TENM3: variants seen among roughly 807,000 people sequenced by gnomAD.
TENM3 encodes the protein teneurin transmembrane protein 3.
Under a neutral mutation model 255.1 loss-of-function variants are expected in TENM3, and 63 were observed. That is an observed-to-expected ratio of 0.25 (90% CI 0.20 to 0.30). The LOEUF (loss-of-function observed/expected upper bound fraction) is 0.30, where lower values mean the gene tolerates loss of function less well. TENM3 is among the 10% of genes least tolerant of loss of function. The probability of loss-of-function intolerance (pLI) is 1.00; values close to 1 mark genes in which losing one functional copy is unlikely to be tolerated. For synonymous variants in TENM3, 1,306 were observed against 1,322.3 expected (o/e 0.99, Z 0.27); for missense variants, 2,929 against 3,461.1 (o/e 0.85, Z 3.86).
At chr4:181,993,627 C>T in the TENM3 span, among the ~76,000 whole-genome samples, 4 of 152,048 alleles carry the variant, frequency 2.6e-5, no homozygotes, top group Admixed American at 6.6e-5. Context: ...GCATTTAAGC[C>T]GGGAGGCATA....
At chr4:182,394,635 A>G (rs1183692173) in intron 3 of TENM3, among the ~76,000 whole-genome samples, 4 of 152,194 alleles carry the variant, frequency 2.6e-5, no homozygotes, top group Non-Finnish European at 2.9e-5. Flanking sequence ...TTCCATAGAC[A>G]CTGATTATTT....
the TENM3 span, among the ~76,000 whole-genome samples, chr4:181,771,630 G>T: frequency 6.6e-6 from 1 of 152,284 alleles, no homozygotes; most frequent in East Asian, 1.9e-4. Flanking sequence ...GAACCAACTC[G>T]TCTCTGTTCC....
chr4:182,521,921 CAG>C (rs1316542548), intron 3 of TENM3, among the ~76,000 whole-genome samples: 1 of 152,074 alleles, frequency 6.6e-6, no homozygotes, highest in Admixed American at 6.6e-5. Flanking sequence ...CTAGATCAAA[CAG>C]AAAATAGTCT....
At chr4:181,663,771 GACTT>G in the TENM3 span, among the ~76,000 whole-genome samples, 2 of 152,248 alleles carry the variant, frequency 1.3e-5, no homozygotes, top group East Asian at 3.9e-4. Flanking sequence ...TGATTCCCAT[GACTT>G]ACTTCTTCCT....
intron 3 of TENM3, among the ~76,000 whole-genome samples, chr4:182,504,891 G>C (rs1340722289): frequency 6.6e-6 from 1 of 152,118 alleles, no homozygotes; most frequent in Non-Finnish European, 1.5e-5. Flanking sequence ...CCCCAGCCCA[G>C]GTCATAATAC....
chr4:182,122,825 G>T, the TENM3 span, among the ~76,000 whole-genome samples: 4 of 152,288 alleles, frequency 2.6e-5, no homozygotes, highest in South Asian at 4.1e-4. Context: ...AGCTATGAAA[G>T]TCTGAGGTGG....
chr4:182,146,394 C>G (rs1338659961), intron 1 of TENM3, among the ~76,000 whole-genome samples: 2 of 152,102 alleles, frequency 1.3e-5, no homozygotes, highest in Non-Finnish European at 2.9e-5. Flanking sequence ...GCTAATCCCA[C>G]TTTAAAATGT....
At chr4:181,539,576 C>T in the TENM3 span, among the ~76,000 whole-genome samples, 1 of 152,124 alleles carries the variant, frequency 6.6e-6, no homozygotes, top group Admixed American at 6.5e-5. Context: ...TTTTTGTTGT[C>T]ATTATTCATT....
At chr4:181,473,627 A>C in the TENM3 span, among the ~76,000 whole-genome samples, 2 of 152,020 alleles carry the variant, frequency 1.3e-5, no homozygotes, top group Admixed American at 1.3e-4. Context: ...ATGAAAAAAA[A>C]AATCGTTCTT....
At chr4:182,558,571 T>C (rs1742808111) in intron 3 of TENM3, among the ~76,000 whole-genome samples, 1 of 152,188 alleles carries the variant, frequency 6.6e-6, no homozygotes, top group South Asian at 2.1e-4. Flanking sequence ...AGATTGGGGA[T>C]ATAAATGCAT....
At chr4:182,773,754 CCT>C in intron 23 of TENM3, 107 bp downstream of exon 23, 1 of 947,980 alleles carries the variant, frequency 1.1e-6, no homozygotes, top group Non-Finnish European at 1.6e-6. Context: ...AAAATGTAAA[CCT>C]CTAGAAATAT....
the TENM3 span, among the ~76,000 whole-genome samples, chr4:181,665,852 C>T: frequency 2.6e-5 from 4 of 151,604 alleles, no homozygotes; most frequent in African/African-American, 4.8e-5. Context: ...TATTAAATTT[C>T]GTATATATCT....
At chr4:181,989,663 A>G in the TENM3 span, among the ~76,000 whole-genome samples, 1 of 152,164 alleles carries the variant, frequency 6.6e-6, no homozygotes, top group Non-Finnish European at 1.5e-5. Flanking sequence ...ACATAAAATG[A>G]AAGGGCTACA....
At chr4:181,572,920 C>A in the TENM3 span, among the ~76,000 whole-genome samples, 1 of 152,148 alleles carries the variant, frequency 6.6e-6, no homozygotes, top group African/African-American at 2.4e-5. Flanking sequence ...TGGTAACCAT[C>A]CTTCTACTCT....
chr4:182,737,131 C>T, intron 17 of TENM3, 56 bp downstream of exon 17: 2 of 1,544,952 alleles, frequency 1.3e-6, no homozygotes, highest in South Asian at 1.2e-5. Flanking sequence ...CCAGAACTAT[C>T]ATAAATTAAT....
chr4:182,419,357 A>G (rs1285726375), intron 3 of TENM3, among the ~76,000 whole-genome samples: 1 of 152,186 alleles, frequency 6.6e-6, no homozygotes, highest in East Asian at 1.9e-4. Flanking sequence ...AATCATTAAA[A>G]AGTCAGGAAA....
intron 3 of TENM3, among the ~76,000 whole-genome samples, chr4:182,390,435 T>G (rs1768344869): frequency 6.6e-6 from 1 of 152,200 alleles, no homozygotes. Context: ...AGGACTCCTC[T>G]GAGAGCTCTT....
chr4:181,946,727 T>G, the TENM3 span, among the ~76,000 whole-genome samples: 2 of 152,064 alleles, frequency 1.3e-5, no homozygotes, highest in African/African-American at 4.8e-5. Flanking sequence ...ATGAATAGAG[T>G]TCTATTCTAA....
At chr4:181,781,022 T>C in the TENM3 span, among the ~76,000 whole-genome samples, 1 of 152,194 alleles carries the variant, frequency 6.6e-6, no homozygotes, top group Non-Finnish European at 1.5e-5. Context: ...TTGGTTACTG[T>C]AGCCTTGTAG....
Sources: allele counts gnomAD v4.1 joint callset (sites outside exome capture counted in the v4.1 genomes callset), GRCh38; gene constraint gnomAD v4.1.1; transcripts MANE v1.5; gene names NCBI Gene and HGNC (gene_info 2026-07-23, HGNC 2026-07-21).